STXBP5L: variants seen among roughly 807,000 people sequenced by gnomAD.
STXBP5L encodes the protein syntaxin-binding protein 5-like.
Under a neutral mutation model 144.5 loss-of-function variants are expected in STXBP5L, and 65 were observed. The ratio of observed to expected loss-of-function variants is 0.45; its 90% CI spans 0.37 to 0.55. The LOEUF is 0.55. STXBP5L is among the 20% of genes least tolerant of loss of function. STXBP5L has a pLI of 0.00. For missense variants in STXBP5L, 1,298 were observed against 1,405.5 expected (o/e 0.92, Z 1.22); for synonymous variants, 505 against 469.6 (o/e 1.08, Z -0.97).
chr3:121,053,133 G>A (rs1373554323), intron 5 of STXBP5L, among the ~76,000 whole-genome samples: 1 of 152,116 alleles, frequency 6.6e-6, no homozygotes, highest in Non-Finnish European at 1.5e-5. Context: ...CTCATGGGTA[G>A]GAAGAATCAA....
At chr3:120,997,761 G>C (rs962557767) in intron 3 of STXBP5L, among the ~76,000 whole-genome samples, 1 of 152,068 alleles carries the variant, frequency 6.6e-6, no homozygotes, top group African/African-American at 2.4e-5. Context: ...CCTGTGCTGT[G>C]TAGAGAGGCA....
At chr3:121,302,009 T>A (rs1169497639) in intron 19 of STXBP5L, among the ~76,000 whole-genome samples, 1 of 152,208 alleles carries the variant, frequency 6.6e-6, no homozygotes, top group Non-Finnish European at 1.5e-5. Context: ...AAAATTCTCT[T>A]TTTTTGTTGT....
At chr3:121,345,338 C>A (rs148256164) in intron 20 of STXBP5L, among the ~76,000 whole-genome samples, 2 of 152,102 alleles carry the variant, frequency 1.3e-5, no homozygotes, top group Admixed American at 6.6e-5. Flanking sequence ...AGGACATGAA[C>A]TCATCCTTTT....
intron 5 of STXBP5L, among the ~76,000 whole-genome samples, chr3:121,078,425 G>C (rs1463622048): frequency 6.6e-6 from 1 of 152,252 alleles, no homozygotes; most frequent in African/African-American, 2.4e-5. Flanking sequence ...TAGACATAAA[G>C]GTTCTCCAAG....
chr3:121,407,861 G>T (rs759367945), intron 23 of STXBP5L, among the ~76,000 whole-genome samples: 1 of 151,934 alleles, frequency 6.6e-6, no homozygotes, highest in Non-Finnish European at 1.5e-5. Context: ...AGGAATCTAA[G>T]AAAAGAATGA....
At chr3:121,318,727 T>G (rs2043868156) in intron 20 of STXBP5L, among the ~76,000 whole-genome samples, 187 bp downstream of exon 20, 1 of 152,206 alleles carries the variant, frequency 6.6e-6, no homozygotes, top group East Asian at 1.9e-4. Context: ...TAAAATATTT[T>G]TATCTCAAAA....
intron 3 of STXBP5L, among the ~76,000 whole-genome samples, chr3:121,034,502 C>G (rs28427394): frequency 6.6e-6 from 1 of 152,014 alleles, no homozygotes; most frequent in Non-Finnish European, 1.5e-5. Flanking sequence ...ATATATCTCT[C>G]TATATAGCTG....
At chr3:121,073,464 C>T (rs1310045773) in intron 5 of STXBP5L, among the ~76,000 whole-genome samples, 3 of 152,170 alleles carry the variant, frequency 2.0e-5, no homozygotes, top group African/African-American at 7.2e-5. Flanking sequence ...GCTGCCAATG[C>T]CTTGAAACAG....
intron 16 of STXBP5L, 57 bp downstream of exon 16, chr3:121,255,169 C>T (rs1476477146): frequency 8.9e-6 from 12 of 1,353,184 alleles, no homozygotes; most frequent in Non-Finnish European, 1.2e-5. Context: ...AAGCTATTAT[C>T]ATAGATTTGA....
intron 17 of STXBP5L, among the ~76,000 whole-genome samples, chr3:121,257,874 A>G (rs2050259122): frequency 6.6e-6 from 1 of 152,150 alleles, no homozygotes; most frequent in African/African-American, 2.4e-5. Context: ...GCAGTGAGCT[A>G]TGGTCTTGCC....
At chr3:121,274,705 A>G (rs2050828919) in intron 18 of STXBP5L, among the ~76,000 whole-genome samples, 1 of 152,192 alleles carries the variant, frequency 6.6e-6, no homozygotes, top group Admixed American at 6.5e-5. Context: ...ATTGACACCA[A>G]TGTCTGAGGC....
At chr3:121,038,672 G>C (rs567170973) in intron 3 of STXBP5L, among the ~76,000 whole-genome samples, 2 of 151,882 alleles carry the variant, frequency 1.3e-5, no homozygotes, top group African/African-American at 4.8e-5. Flanking sequence ...TCTTATATTA[G>C]TTATCGAGAA....
chr3:121,177,790 A>G (rs2046991671), intron 9 of STXBP5L, among the ~76,000 whole-genome samples: 1 of 152,248 alleles, frequency 6.6e-6, no homozygotes, highest in South Asian at 2.1e-4. Flanking sequence ...TATGCCCAAA[A>G]GAAAGGAAAG....
chr3:121,205,977 T>G lies in STXBP5L; in HGVS notation c.932T>G (p.Val311Gly). Reference protein sequence around the residue: ...KSESCKPILKVEYKTCKNSEP... With the variant: ...KSESCKPILKGEYKTCKNSEP... ...GAATCTTGTAAACCAATTCTTAAAGTAGAATACAAGACCTGCAAAAACAGG... is the reference window on the plus strand; with the variant it reads ...GAATCTTGTAAACCAATTCTTAAAGGAGAATACAAGACCTGCAAAAACAGG... Residue 311 changes from valine (V) to glycine (G), a missense_variant, in exon 10 of 27, where the codon GTA (valine) becomes GGA (glycine). Val to Gly is a moderately radical substitution (Grantham distance 109). Transcript: ENST00000471454. 6.6e-7 allele frequency: 1 copy of G among 1,516,622 alleles called. No homozygotes were observed. Among genetic ancestry groups the G allele is most frequent in the Non-Finnish European group, 8.8e-7 (1 of 1,138,130 alleles). 93.9% of individuals were successfully genotyped at this position (1,516,622 alleles called of 1,614,324 possible).
intron 7 of STXBP5L, among the ~76,000 whole-genome samples, chr3:121,124,486 A>G (rs1469705353): frequency 2.0e-5 from 3 of 151,954 alleles, no homozygotes; most frequent in Admixed American, 2.0e-4. Context: ...TTTTTTTATA[A>G]AAGTCTTTTA....
intron 22 of STXBP5L, among the ~76,000 whole-genome samples, chr3:121,404,447 G>A (rs1208569375): frequency 6.6e-6 from 1 of 152,084 alleles, no homozygotes; most frequent in African/African-American, 2.4e-5. Flanking sequence ...ATACACCCAG[G>A]AGGTAGGGTG....
intron 20 of STXBP5L, among the ~76,000 whole-genome samples, chr3:121,320,891 G>A (rs765686474): frequency 6.6e-6 from 1 of 151,960 alleles, no homozygotes; most frequent in Non-Finnish European, 1.5e-5. Flanking sequence ...AGTAGAGACG[G>A]GGTTTCACTG....
intron 20 of STXBP5L, among the ~76,000 whole-genome samples, chr3:121,327,805 C>T (rs535974653): frequency 6.6e-6 from 1 of 152,124 alleles, no homozygotes; most frequent in Non-Finnish European, 1.5e-5. Context: ...GACAATTTGC[C>T]CAGAATCTAA....
Position 121,114,464 on chromosome 3 carries a change from C to T in STXBP5L, c.471-461C>T, listed in dbSNP as rs145228030. Among the ~76,000 whole-genome samples the T allele has an allele frequency of 1.9e-3, 291 of 151,792 alleles. 1 individual carries two copies. The highest frequency in any genetic ancestry group is 4.9e-3 in the African/African-American group (202 of 41,362). ...GTATTTGAAGTAAATATTAAGTTTACGAAATATAATATGAAATTCATGTAT... is the reference window on the plus strand; with the variant it reads ...GTATTTGAAGTAAATATTAAGTTTATGAAATATAATATGAAATTCATGTAT... On this transcript the variant is annotated intron_variant, in intron 5 of 26. Transcript: ENST00000471454.
Sources: gnomAD v4.1 joint callset for allele counts (sites outside exome capture counted in the v4.1 genomes callset) on GRCh38, gnomAD v4.1.1 for gene constraint, MANE v1.5 for transcripts, NCBI Gene and HGNC (gene_info 2026-07-23, HGNC 2026-07-21) for gene names.